TXNRD3: variants seen among roughly 807,000 people sequenced by gnomAD.
TXNRD3 encodes the protein thioredoxin reductase 3.
A neutral mutation model predicts 78.2 loss-of-function variants in TXNRD3; 68 were observed. The ratio of observed to expected loss-of-function variants is 0.87; its 90% CI spans 0.72 to 1.06. The LOEUF (loss-of-function observed/expected upper bound fraction) is 1.06. TXNRD3 is among the 50% of genes least tolerant of loss of function. TXNRD3 has a pLI of 0.00. For synonymous variants in TXNRD3, 296 were observed against 300.1 expected (o/e 0.99, Z 0.14); for missense variants, 751 against 809.5 (o/e 0.93, Z 0.88).
intron 7 of TXNRD3, among the ~76,000 whole-genome samples, chr3:126,633,392 CT>C (rs1464174063): frequency 3.3e-5 from 5 of 152,148 alleles, no homozygotes; most frequent in African/African-American, 1.2e-4. Flanking sequence ...AGGACAATAT[CT>C]GATTGTCATA....
At chr3:126,644,217 G>GTT in intron 4 of TXNRD3, 80 bp downstream of exon 4, 1 of 1,355,184 alleles carries the variant, frequency 7.4e-7, no homozygotes, top group Non-Finnish European at 1.0e-6. Context: ...ACATTAGTTT[G>GTT]TTTTTTTTTA....
intron 10 of TXNRD3, among the ~76,000 whole-genome samples, chr3:126,628,893 G>A (rs1460322678): frequency 1.3e-5 from 2 of 151,932 alleles, no homozygotes; most frequent in Non-Finnish European, 2.9e-5. Flanking sequence ...TACATAAAAA[G>A]AGTATATAAA....
chr3:126,654,762 G>C lies in TXNRD3; in HGVS notation c.229C>G (p.Pro77Ala). The stretch of plus-strand genomic sequence containing the variant: ...GCCGCGCCTACCCGAGTACTATGGG[G>C]ACAGTAGCTCTTGCTGAAGATCACC... Residue 77 changes from proline (P) to alanine (A), a missense_variant, in exon 1 of 16, where the codon CCC (proline) becomes GCC (alanine). By Grantham distance (27) the Pro-to-Ala change is conservative. Transcript: ENST00000524230. 1 of 1,413,990 alleles carries C rather than the reference G, an allele frequency of 7.1e-7. No individual in the cohort carries two copies. Among genetic ancestry groups the C allele is most frequent in the Non-Finnish European group, 9.2e-7 (1 of 1,083,738 alleles). The allele number at this position is 1,413,990 out of a possible 1,614,324, so 87.6% of individuals were successfully genotyped here. A position where few individuals can be genotyped will look rare whatever the true frequency, so the allele number is the denominator to read the frequency against.
chr3:126,634,447 G>A (rs1938802059), intron 6 of TXNRD3, among the ~76,000 whole-genome samples: 2 of 152,144 alleles, frequency 1.3e-5, no homozygotes, highest in African/African-American at 4.8e-5. Flanking sequence ...CAGTGAGCTT[G>A]GTACACTCAC....
intron 14 of TXNRD3, 37 bp from the exon 15 acceptor site, chr3:126,608,670 G>C: frequency 6.6e-7 from 1 of 1,523,822 alleles, no homozygotes; most frequent in Admixed American, 2.0e-5. Context: ...AATCCCAGTA[G>C]GTTAATGGTC....
intron 5 of TXNRD3, among the ~76,000 whole-genome samples, chr3:126,642,513 G>T (rs1216015623): frequency 2.0e-5 from 3 of 152,210 alleles, no homozygotes; most frequent in Admixed American, 1.3e-4. Context: ...ACTCCTCGGA[G>T]CCACGTTGTC....
chr3:126,624,555 G>C (rs1035647287), intron 10 of TXNRD3, among the ~76,000 whole-genome samples: 9 of 152,030 alleles, frequency 5.9e-5, no homozygotes, highest in African/African-American at 1.9e-4. Context: ...TGAGTAGCTG[G>C]AACTACAGGC....
intron 3 of TXNRD3, 67 bp from the exon 4 acceptor site, chr3:126,644,468 C>T (rs1250936404): frequency 4.1e-6 from 4 of 987,610 alleles, no homozygotes; most frequent in Non-Finnish European, 6.0e-6. Context: ...TATGTACACC[C>T]TATGTTCAAC....
In TXNRD3 at chr3:126,652,307, T is replaced by C. The variant is rs553975297; in HGVS notation, c.243+2441A>G. Among the ~76,000 whole-genome samples, 7 of 152,194 alleles carry C rather than the reference T, an allele frequency of 4.6e-5. No homozygotes were observed. In the East Asian group the frequency reaches 7.7e-4, roughly 17 times the overall value. The stretch of plus-strand genomic sequence containing the variant: ...TTCACTATCATGAGGACAGTACCAA[T>C]GGCATGATACTAAACCATTCATGAG... On this transcript the variant is annotated intron_variant, in intron 1 of 15. Coordinates refer to ENST00000524230, the MANE Select transcript of TXNRD3 (RefSeq NM_052883.3).
Position 126,607,785 on chromosome 3 carries a change from C to A in TXNRD3, c.*120G>T. The A allele has an allele frequency of 2.8e-6, 2 of 711,016 alleles. No homozygotes were observed. Among genetic ancestry groups the A allele is most frequent in the Non-Finnish European group, 4.4e-6 (2 of 458,718 alleles). 44.0% of individuals were successfully genotyped at this position (711,016 alleles called of 1,614,324 possible). On this transcript the variant is annotated 3_prime_UTR_variant, in exon 16 of 16. Coordinates refer to ENST00000524230, the MANE Select transcript of TXNRD3 (RefSeq NM_052883.3). ...TTCTCATCTAAGTGTCGTAAGACAG[C>A]CCTGCACTGGTCCCTGAGTAACAGA...
At chr3:126,621,551 G>A (rs1025853478) in intron 12 of TXNRD3, among the ~76,000 whole-genome samples, 191 bp downstream of exon 12, 5 of 152,174 alleles carry the variant, frequency 3.3e-5, no homozygotes, top group African/African-American at 4.8e-5. Context: ...GTATCACCCA[G>A]CACAACATCT....
At chr3:126,634,700 A>G (rs1453461869) in intron 6 of TXNRD3, among the ~76,000 whole-genome samples, 4 of 152,176 alleles carry the variant, frequency 2.6e-5, no homozygotes, top group African/African-American at 7.2e-5. Flanking sequence ...TACAGATGCC[A>G]GATCCTGAAG....
chr3:126,619,733 A>C (rs1028614683), intron 12 of TXNRD3, among the ~76,000 whole-genome samples: 5 of 152,242 alleles, frequency 3.3e-5, no homozygotes. Context: ...TCCCACATAA[A>C]TAAATGACAA....
rs1382810411 is a variant in TXNRD3 at position 126,643,898 on chromosome 3, T to C, written c.592+83A>G. The C allele has an allele frequency of 3.1e-6, 4 of 1,304,342 alleles. No individual in the cohort carries two copies. The African/African-American group carries it at 5.9e-5, about 19-fold the overall frequency. 80.8% of individuals were successfully genotyped at this position (1,304,342 alleles called of 1,614,324 possible). Reference sequence around the variant, plus strand: ...AACAGGCGAGTTATACCTCTTGAGATTGTTGTGAGGATTAAATGAGATTAC... The same window carrying C: ...AACAGGCGAGTTATACCTCTTGAGACTGTTGTGAGGATTAAATGAGATTAC... On this transcript the variant is annotated intron_variant, in intron 5 of 15. Transcript: ENST00000524230.
rs1458411017 is a variant in TXNRD3 at position 126,654,886 on chromosome 3, C to T, written c.105G>A (p.Gly35=). 15 of 1,325,466 alleles carry T rather than the reference C, an allele frequency of 1.1e-5. No homozygotes were observed. The allele number at this position is 1,325,466 out of a possible 1,614,324, so 82.1% of individuals were successfully genotyped here. A position where few individuals can be genotyped will look rare whatever the true frequency, so the allele number is the denominator to read the frequency against. The stretch of plus-strand genomic sequence containing the variant: ...CGGGGGACGACAGGCGGGCACGGCG[C>T]CCCGGCGGCGACAACACGCGCGCCC... Residue 35 remains glycine (G), a synonymous_variant, in exon 1 of 16, where the codon GGG becomes GGA. Transcript: ENST00000524230.
intron 12 of TXNRD3, among the ~76,000 whole-genome samples, chr3:126,619,312 C>A (rs188128366): frequency 2.0e-5 from 3 of 152,150 alleles, no homozygotes; most frequent in African/African-American, 7.2e-5. Context: ...TCAACCTAAG[C>A]ATCCATAATG....
chr3:126,616,009 A>C (rs1445352504), intron 12 of TXNRD3, among the ~76,000 whole-genome samples: 1 of 152,130 alleles, frequency 6.6e-6, no homozygotes, highest in Non-Finnish European at 1.5e-5. Flanking sequence ...GGGGGGTGCT[A>C]ATACACCGCA....
chr3:126,626,984 AAGCTGGGTTGGG>A (rs1361058975), intron 10 of TXNRD3, among the ~76,000 whole-genome samples: 1 of 151,506 alleles, frequency 6.6e-6, no homozygotes, highest in Non-Finnish European at 1.5e-5. Context: ...GCAACTAGGG[AAGCTGGGTTGGG>A]AGGATCATTT....
At chr3:126,647,573 T>C (rs1161919990) in intron 1 of TXNRD3, among the ~76,000 whole-genome samples, 2 of 152,294 alleles carry the variant, frequency 1.3e-5, no homozygotes, top group African/African-American at 4.8e-5. Flanking sequence ...ATAGGCAGTA[T>C]CTATTTTCCA....
Sources: allele counts gnomAD v4.1 joint callset (sites outside exome capture counted in the v4.1 genomes callset), GRCh38; gene constraint gnomAD v4.1.1; transcripts MANE v1.5; gene names NCBI Gene and HGNC (gene_info 2026-07-23, HGNC 2026-07-21).